CNTN1: variants seen among roughly 807,000 people sequenced by gnomAD.
The protein encoded by CNTN1 is contactin-1.
Under a neutral mutation model 126.4 loss-of-function variants are expected in CNTN1, and 38 were observed. The ratio of observed to expected loss-of-function variants is 0.30; its 90% CI spans 0.23 to 0.39. CNTN1 has a LOEUF of 0.39. Among genes scored for constraint, CNTN1 ranks in the 10% least tolerant of loss-of-function variants. The pLI, the probability that CNTN1 is intolerant of heterozygous loss-of-function variation, is 1.00. For synonymous variants in CNTN1, 413 were observed against 422.6 expected, an observed-to-expected ratio of 0.98 and a Z score of 0.28; for missense variants, 1,009 against 1,248.4, an observed-to-expected ratio of 0.81 and a Z score of 2.89.
intron 17 of CNTN1, among the ~76,000 whole-genome samples, chr12:40,997,327 C>G (rs1010147908): frequency 6.6e-6 from 1 of 152,058 alleles, no homozygotes; most frequent in Non-Finnish European, 1.5e-5. Context: ...CCAGATCAAG[C>G]CAGTCAAAGA....
intron 1 of CNTN1, among the ~76,000 whole-genome samples, chr12:40,762,424 G>A (rs2136418237): frequency 6.6e-6 from 1 of 152,204 alleles, no homozygotes; most frequent in East Asian, 1.9e-4. Context: ...TTAGAAAACA[G>A]ATTAACATTT....
intron 1 of CNTN1, among the ~76,000 whole-genome samples, chr12:40,802,528 A>C (rs979922756): frequency 6.6e-6 from 1 of 152,038 alleles, no homozygotes; most frequent in African/African-American, 2.4e-5. Flanking sequence ...GTGCCAGTGC[A>C]GTCTTTTTTA....
intron 1 of CNTN1, among the ~76,000 whole-genome samples, chr12:40,792,352 G>A (rs1266873451): frequency 6.6e-6 from 1 of 152,054 alleles, no homozygotes; most frequent in African/African-American, 2.4e-5. Flanking sequence ...TGACTATTAA[G>A]TAAGATGTTT....
intron 1 of CNTN1, among the ~76,000 whole-genome samples, chr12:40,878,649 T>C (rs1178670856): frequency 1.3e-5 from 2 of 152,208 alleles, no homozygotes; most frequent in Non-Finnish European, 2.9e-5. Flanking sequence ...GCAAAACTTT[T>C]GTCTATTTTC....
intron 1 of CNTN1, among the ~76,000 whole-genome samples, chr12:40,874,748 T>C (rs1422584906): frequency 6.6e-6 from 1 of 152,180 alleles, no homozygotes; most frequent in Admixed American, 6.6e-5. Context: ...TATATTTAGG[T>C]GTGTTTTAAA....
intron 1 of CNTN1, among the ~76,000 whole-genome samples, chr12:40,757,005 T>C (rs1381015364): frequency 6.6e-6 from 1 of 152,132 alleles, no homozygotes; most frequent in Non-Finnish European, 1.5e-5. Context: ...GATATCTTGG[T>C]CAGCTTGGGC....
chr12:41,060,832 TTCTG>T (rs1343756479), intron 23 of CNTN1, among the ~76,000 whole-genome samples: 1 of 152,224 alleles, frequency 6.6e-6, no homozygotes, highest in Non-Finnish European at 1.5e-5. Flanking sequence ...TCTGAGTCTC[TTCTG>T]TCTTATTCCA....
Position 40,869,588 on chromosome 12 carries a change from A to G in CNTN1, c.-76-38769A>G, listed in dbSNP as rs140437604. Among the ~76,000 whole-genome samples the G allele has an allele frequency of 7.2e-3, 1,089 of 152,162 alleles. 3 individuals are homozygous for G. Among genetic ancestry groups the G allele is most frequent in the Non-Finnish European group, 0.011 (734 of 67,998 alleles). On this transcript the variant is annotated intron_variant, in intron 1 of 23. Transcript: ENST00000551295. Reference sequence around the variant, plus strand: ...TCCAGTCTTCATTCCTTTTTTATATACATATATTATTATAGTCAATTCATC... The same window carrying G: ...TCCAGTCTTCATTCCTTTTTTATATGCATATATTATTATAGTCAATTCATC...
At chr12:40,794,314 A>G (rs898667492) in intron 1 of CNTN1, among the ~76,000 whole-genome samples, 3 of 152,066 alleles carry the variant, frequency 2.0e-5, no homozygotes, top group Non-Finnish European at 2.9e-5. Context: ...ATTGTTGGTG[A>G]AGAGTTGTGC....
intron 12 of CNTN1, among the ~76,000 whole-genome samples, chr12:40,940,434 G>C (rs1359367785): frequency 6.6e-6 from 1 of 152,028 alleles, no homozygotes; most frequent in African/African-American, 2.4e-5. Flanking sequence ...CTTAAACAAG[G>C]GAGGACAAGG....
intron 23 of CNTN1, among the ~76,000 whole-genome samples, chr12:41,067,107 G>T (rs1950062060): frequency 6.6e-6 from 1 of 152,148 alleles, no homozygotes; most frequent in African/African-American, 2.4e-5. Flanking sequence ...CATTTAAAAT[G>T]ACATTAGATA....
At chr12:41,056,413 A>G (rs1327607328) in intron 23 of CNTN1, among the ~76,000 whole-genome samples, 2 of 152,122 alleles carry the variant, frequency 1.3e-5, no homozygotes, top group African/African-American at 2.4e-5. Flanking sequence ...TAATCTGTAT[A>G]CTATGTTAGG....
At chr12:40,774,616 G>A (rs966136205) in intron 1 of CNTN1, among the ~76,000 whole-genome samples, 9 of 151,636 alleles carry the variant, frequency 5.9e-5, no homozygotes, top group Non-Finnish European at 1.3e-4. Context: ...GCTTTATAAC[G>A]TATTCTACTG....
chr12:40,786,460 T>G (rs929699257), intron 1 of CNTN1, among the ~76,000 whole-genome samples: 1 of 152,178 alleles, frequency 6.6e-6, no homozygotes, highest in African/African-American at 2.4e-5. Context: ...ATAAGAGGCA[T>G]GTCCATGGAT....
In CNTN1 at chr12:40,858,826, G is replaced by A. The variant is rs191408935; in HGVS notation, c.-76-49531G>A. ...GAAGGAACAAGATCATGTCCTTTGC[G>A]GGGACATGGATAGAGCTGTAAGCCA... On this transcript the variant is annotated intron_variant, in intron 1 of 23. Transcript: ENST00000551295. Among the ~76,000 whole-genome samples the A allele has an allele frequency of 1.4e-4, 21 of 152,148 alleles. 1 individual carries two copies. Among genetic ancestry groups the A allele is most frequent in the African/African-American group, 4.3e-4 (18 of 41,504 alleles).
chr12:40,817,210 TTC>T (rs1330276321), intron 1 of CNTN1, among the ~76,000 whole-genome samples: 1 of 152,168 alleles, frequency 6.6e-6, no homozygotes, highest in Non-Finnish European at 1.5e-5. Flanking sequence ...CTTGTTAATT[TTC>T]TCTCTCATTG....
chr12:40,910,619 A>G (rs1944991026), intron 3 of CNTN1, among the ~76,000 whole-genome samples: 1 of 152,200 alleles, frequency 6.6e-6, no homozygotes, highest in Non-Finnish European at 1.5e-5. Flanking sequence ...TATACTGGAA[A>G]AAATACAGAG....
intron 1 of CNTN1, among the ~76,000 whole-genome samples, chr12:40,807,303 T>A (rs1403771598): frequency 6.6e-6 from 1 of 151,896 alleles, no homozygotes; most frequent in Non-Finnish European, 1.5e-5. Context: ...TTATTATAAT[T>A]ATTATTATTT....
At chr12:40,742,525 G>A (rs1432613451) in intron 1 of CNTN1, 2 of 150,346 alleles carry the variant, frequency 1.3e-5, no homozygotes, top group Non-Finnish European at 3.0e-5. Flanking sequence ...TTCTTTAAGT[G>A]TATATTTTTA....
Sources: allele counts gnomAD v4.1 joint callset (sites outside exome capture counted in the v4.1 genomes callset), GRCh38; gene constraint gnomAD v4.1.1; transcripts MANE v1.5; gene names NCBI Gene and HGNC (gene_info 2026-07-23, HGNC 2026-07-21).